The following NDUFV3 variants were observed in gnomAD, a reference collection of about 807,000 sequenced individuals.
NDUFV3 encodes NADH:ubiquinone oxidoreductase subunit V3, also known as NADH dehydrogenase [ubiquinone] flavoprotein 3, mitochondrial.
Under a neutral mutation model 37.5 loss-of-function variants are expected in NDUFV3, and 44 were observed. The ratio of observed to expected loss-of-function variants is 1.17; its 90% confidence interval spans 0.92 to 1.51. The LOEUF is 1.51. Among genes scored for constraint, NDUFV3 ranks in the 40% most tolerant of loss-of-function variants. The pLI is 0.00. For synonymous variants in NDUFV3, 235 were observed against 239.3 expected (o/e 0.98, Z 0.17); for missense variants, 580 against 580.4 (o/e 1.00, Z 0.01).
In NDUFV3 at chr21:42,909,136, CTTTTTTTTTTTTTT is replaced by C. The variant is rs36011300; in HGVS notation, c.*125_*138del. On this transcript the variant is annotated 3_prime_UTR_variant, in exon 4 of 4. Transcript: ENST00000354250. ...TGTGCATAATCGGTTTCACTTTTACCTTTTTTTTTTTTTTTTTTTTTTTGAGACAGGGTCTCACT... is the reference window on the plus strand; with the variant it reads ...TGTGCATAATCGGTTTCACTTTTACCTTTTTTTTTGAGACAGGGTCTCACT... The C allele has an allele frequency of 4.6e-6, 2 of 434,502 alleles. No individual in the cohort carries two copies. Among genetic ancestry groups the C allele is most frequent in the African/African-American group, 2.8e-5 (1 of 35,164 alleles). The allele number at this position is 434,502 out of a possible 1,614,324, so 26.9% of individuals were successfully genotyped here. A position where few individuals can be genotyped will look rare whatever the true frequency, so the allele number is the denominator to read the frequency against.
rs934684297 is a variant in NDUFV3 at position 42,896,942 on chromosome 21, G to T, written c.64G>T (p.Ala22Ser). 5.6e-6 allele frequency: 9 copies of T among 1,613,586 alleles called. No homozygotes were observed. The highest frequency in any genetic ancestry group is 7.6e-6 in the Non-Finnish European group (9 of 1,179,612). The change falls in exon 2 of 4, where the codon GCC becomes TCC. Residue 22 changes from alanine (A) to serine (S), a missense_variant. Physicochemically the swap from Ala to Ser is moderately conservative, Grantham distance 99. Coordinates refer to ENST00000354250, the MANE Select transcript of NDUFV3 (RefSeq NM_021075.4). ...AGALKTMLQEAQVFRGLASTV... is the reference protein window; with the variant it reads ...AGALKTMLQESQVFRGLASTV... ...CTTTTGTCAGACTATGCTCCAGGAA[G>T]CCCAGGTGTTTCGAGGACTTGCTTC...
Position 42,903,568 on chromosome 21 carries a change from C to A in NDUFV3, c.556C>A (p.Arg186=). The A allele has an allele frequency of 6.2e-7, 1 of 1,613,906 alleles. No homozygotes were observed. Among genetic ancestry groups the A allele is most frequent in the Non-Finnish European group, 8.5e-7 (1 of 1,180,006 alleles). ...GGTGAGCAAAGGCAGAGGGGGGCTT[C>A]GAAAACCAGAGGCCTCTCATTCCTT... ...RVVSKGRGGL[R]KPEASHSFEN... is the part of the protein sequence containing the mutation. The change falls in exon 3 of 4, where the codon CGA becomes AGA. Residue 186 remains arginine (R), a synonymous_variant. Coordinates refer to ENST00000354250, the MANE Select transcript of NDUFV3 (RefSeq NM_021075.4).
Position 42,913,189 on chromosome 21 carries a change from C to T in NDUFV3, c.*4168C>T, listed in dbSNP as rs1341124029. The T allele has an allele frequency of 1.3e-5, 2 of 152,216 alleles. No individual in the cohort carries two copies. Among genetic ancestry groups the T allele is most frequent in the African/African-American group, 2.4e-5 (1 of 41,436 alleles). 9.4% of individuals were successfully genotyped at this position (152,216 alleles called of 1,614,324 possible). A position where few individuals can be genotyped will look rare whatever the true frequency, so the allele number is the denominator to read the frequency against. Reference sequence around the variant, plus strand: ...CCTGACCTTGGCCTTTATTCTAGAACGGATCTGAAGCAATAGGATATAAAA... The same window carrying T: ...CCTGACCTTGGCCTTTATTCTAGAATGGATCTGAAGCAATAGGATATAAAA... On this transcript the variant is annotated 3_prime_UTR_variant, in exon 4 of 4. Transcript: ENST00000354250.
chr21:42,896,318 G>A (rs1318881770), intron 1 of NDUFV3, among the ~76,000 whole-genome samples: 3 of 151,796 alleles, frequency 2.0e-5, no homozygotes, highest in Admixed American at 6.6e-5. Context: ...CACCATGCCC[G>A]GCTAATTTTT....
At chr21:42,896,874 G>A in intron 1 of NDUFV3, 53 bp from the exon 2 acceptor site, 1 of 1,554,126 alleles carries the variant, frequency 6.4e-7, no homozygotes, top group Non-Finnish European at 8.9e-7. Flanking sequence ...TATAGTACCA[G>A]CTATTATAAT....
intron 2 of NDUFV3, among the ~76,000 whole-genome samples, chr21:42,899,702 C>A (rs1386506080): frequency 3.3e-5 from 5 of 152,186 alleles, no homozygotes; most frequent in African/African-American, 1.2e-4. Context: ...CTTGGCCTCC[C>A]AAAGTGCTGG....
Position 42,909,510 on chromosome 21 carries a change from G to T in NDUFV3, c.*489G>T, listed in dbSNP as rs183163607. 221 of 199,394 alleles carry T rather than the reference G, an allele frequency of 1.1e-3. 1 individual carries two copies. Among genetic ancestry groups the T allele is most frequent in the Non-Finnish European group, 1.3e-3 (121 of 95,484 alleles). 12.4% of individuals were successfully genotyped at this position (199,394 alleles called of 1,614,324 possible). A position where few individuals can be genotyped will look rare whatever the true frequency, so the allele number is the denominator to read the frequency against. ...CACTGATTATCCAACATATATTTTG[G>T]AATATCTACTATGTGCAAGGAATTT... On this transcript the variant is annotated 3_prime_UTR_variant, in exon 4 of 4. Transcript: ENST00000354250.
Position 42,910,737 on chromosome 21 carries a change from G to A in NDUFV3, c.*1716G>A, listed in dbSNP as rs1210709367. On this transcript the variant is annotated 3_prime_UTR_variant, in exon 4 of 4. Transcript: ENST00000354250. ...GTGAAGTTTTGTGCGGTGCAGGGAC[G>A]AAGTTGCTCCCCGCTGGCCACAGGC... 6.5e-6 allele frequency: 1 copy of A among 154,436 alleles called. No homozygotes were observed. The highest frequency in any genetic ancestry group is 1.4e-5 in the Non-Finnish European group (1 of 69,110). The allele number at this position is 154,436 out of a possible 1,614,324, so 9.6% of individuals were successfully genotyped here.
rs1387597274 is a variant in NDUFV3 at position 42,912,020 on chromosome 21, C to T, written c.*2999C>T. On this transcript the variant is annotated 3_prime_UTR_variant, in exon 4 of 4. Transcript: ENST00000354250. The stretch of plus-strand genomic sequence containing the variant: ...CTTTGGAAGGCTGAGGCAGATGGAT[C>T]ACCTGAGGTTGGGAGTTTGAGACCA... The T allele has an allele frequency of 6.6e-6, 1 of 152,042 alleles. No individual in the cohort carries two copies. Among genetic ancestry groups the T allele is most frequent in the Non-Finnish European group, 1.5e-5 (1 of 68,012 alleles). 9.4% of individuals were successfully genotyped at this position (152,042 alleles called of 1,614,324 possible). A position where few individuals can be genotyped will look rare whatever the true frequency, so the allele number is the denominator to read the frequency against.
chr21:42,895,896 A>G (rs2058688295), intron 1 of NDUFV3, among the ~76,000 whole-genome samples: 1 of 151,952 alleles, frequency 6.6e-6, no homozygotes, highest in Non-Finnish European at 1.5e-5. Flanking sequence ...TACCATGTGA[A>G]TGTTTTGCAC....
chr21:42,894,478 T>C (rs1218142514), intron 1 of NDUFV3, among the ~76,000 whole-genome samples: 1 of 63,410 alleles, frequency 1.6e-5, no homozygotes, highest in Non-Finnish European at 2.8e-5. Flanking sequence ...ATATATTATA[T>C]ATTTATATAT....
At position 42,893,524 on chromosome 21, in the gene NDUFV3, C is replaced by T; in HGVS notation, c.48+143C>T. 4 of 944,296 alleles carry T rather than the reference C, an allele frequency of 4.2e-6. No homozygotes were observed. In the South Asian group the frequency reaches 4.7e-5, roughly 11 times the overall value. 58.5% of individuals were successfully genotyped at this position (944,296 alleles called of 1,614,324 possible). A position where few individuals can be genotyped will look rare whatever the true frequency, so the allele number is the denominator to read the frequency against. ...TGGGCCGCTGACCCCGCTCCCTGGG[C>T]CCAGGACTGACCGCCACGGGGCCAG... On this transcript the variant is annotated intron_variant, in intron 1 of 3. Coordinates refer to ENST00000354250, the MANE Select transcript of NDUFV3 (RefSeq NM_021075.4).
In NDUFV3 at chr21:42,904,145, G is replaced by A. The variant is rs2058731159; in HGVS notation, c.1133G>A (p.Ser378Asn). Residue 378 changes from serine (S) to asparagine (N), a missense_variant, in exon 3 of 4, where the codon AGC (serine) becomes AAC (asparagine). Coordinates refer to ENST00000354250, the MANE Select transcript of NDUFV3 (RefSeq NM_021075.4). ...QAIVEDQIPP[S>N]NLETVPVENN... ...ATCGTGGAAGATCAGATACCACCAA[G>A]CAATTTGGAGACAGTTCCTGTTGAG... The A allele has an allele frequency of 6.2e-7, 1 of 1,614,132 alleles. No individual in the cohort carries two copies. Among genetic ancestry groups the A allele is most frequent in the Admixed American group, 1.7e-5 (1 of 60,006 alleles).
intron 3 of NDUFV3, among the ~76,000 whole-genome samples, chr21:42,905,460 A>G (rs948987112): frequency 1.3e-5 from 2 of 152,174 alleles, no homozygotes; most frequent in African/African-American, 4.8e-5. Context: ...CTGAAAACAC[A>G]TGTGGGCTGC....
At chr21:42,895,564 A>G (rs2058686678) in intron 1 of NDUFV3, among the ~76,000 whole-genome samples, 1 of 151,874 alleles carries the variant, frequency 6.6e-6, no homozygotes. Flanking sequence ...AGGCAAGAGA[A>G]TCGCTGGAAC....
At position 42,893,381 on chromosome 21, in the gene NDUFV3, G is replaced by A. The variant is rs2058666140; in HGVS notation, c.48G>A (p.Lys16=). 6 of 1,537,418 alleles carry A rather than the reference G, an allele frequency of 3.9e-6. No homozygotes were observed. Among genetic ancestry groups the A allele is most frequent in the South Asian group, 3.6e-5 (3 of 83,974 alleles). The change falls in exon 1 of 4, where the codon AAG becomes AAA. Residue 16 remains lysine, a splice_region_variant and synonymous_variant. Transcript: ENST00000354250. ...GGCAAGGACGAGCCGGGGCGCTGAAGGTAAAGGAGGAGCCAGCCTGGGCTG... is the reference window on the plus strand; with the variant it reads ...GGCAAGGACGAGCCGGGGCGCTGAAAGTAAAGGAGGAGCCAGCCTGGGCTG... ...LLRQGRAGAL[K]TMLQEAQVFR...
At chr21:42,896,344 G>C (rs967832129) in intron 1 of NDUFV3, among the ~76,000 whole-genome samples, 9 of 140,474 alleles carry the variant, frequency 6.4e-5, no homozygotes, top group Admixed American at 5.5e-4. Flanking sequence ...TTTTAGTAGA[G>C]ACGGGGTTTC....
intron 1 of NDUFV3, among the ~76,000 whole-genome samples, chr21:42,894,473 T>TATATAA (rs1555848205): frequency 1.1e-4 from 6 of 56,846 alleles, no homozygotes; most frequent in African/African-American, 5.9e-4. Context: ...TAAATATATA[T>TATATAA]TATATATTTA....
Position 42,911,100 on chromosome 21 carries a change from A to C in NDUFV3, c.*2079A>C, listed in dbSNP as rs1177520302. On this transcript the variant is annotated 3_prime_UTR_variant, in exon 4 of 4. Transcript: ENST00000354250. Reference sequence around the variant, plus strand: ...TCTACTAAAAATACAAAAATTAGCCAACTGTGGTGGTGCGTGCCTGTAATC... The same window carrying C: ...TCTACTAAAAATACAAAAATTAGCCCACTGTGGTGGTGCGTGCCTGTAATC... 6.6e-6 allele frequency: 1 copy of C among 152,174 alleles called. No homozygotes were observed. Among genetic ancestry groups the C allele is most frequent in the African/African-American group, 2.4e-5 (1 of 41,432 alleles). 9.4% of individuals were successfully genotyped at this position (152,174 alleles called of 1,614,324 possible).
Sources: gnomAD v4.1 joint callset for allele counts (sites outside exome capture counted in the v4.1 genomes callset) on GRCh38, gnomAD v4.1.1 for gene constraint, MANE v1.5 for transcripts, NCBI Gene and HGNC (gene_info 2026-07-23, HGNC 2026-07-21) for gene names.